CCDC171: variants seen among roughly 807,000 people sequenced by gnomAD.
CCDC171 encodes coiled-coil domain-containing protein 171.
In CCDC171, 177 loss-of-function variants were observed where a neutral mutation model predicts 168.2. The observed-to-expected ratio is 1.05, with a 90% CI of 0.93 to 1.19. The LOEUF (loss-of-function observed/expected upper bound fraction) is 1.19. Ranked by LOEUF, CCDC171 falls within the 50% of genes most tolerant of loss-of-function variation. The pLI, the probability that CCDC171 is intolerant of heterozygous loss-of-function variation, is 0.00. For missense variants in CCDC171, 1,991 were observed against 1,539.0 expected, an observed-to-expected ratio of 1.29 and a Z score of -4.91; for synonymous variants, 687 against 540.8, an observed-to-expected ratio of 1.27 and a Z score of -3.75.
the CCDC171 span, among the ~76,000 whole-genome samples, chr9:16,086,489 G>T: frequency 6.6e-6 from 1 of 151,874 alleles, no homozygotes; most frequent in Non-Finnish European, 1.5e-5. Context: ...TGTATTTTTA[G>T]TAGAGATGGG....
intron 21 of CCDC171, among the ~76,000 whole-genome samples, chr9:15,844,958 A>AG (rs1399644717): frequency 6.6e-6 from 1 of 152,084 alleles, no homozygotes; most frequent in East Asian, 1.9e-4. Context: ...TCTAGTCATA[A>AG]GAGTTATTGA....
rs1424407806 is a variant in CCDC171 at position 15,623,471 on chromosome 9, G to GCACA, written c.822+59_822+60insACAC. 162 of 505,184 alleles carry GCACA rather than the reference G, an allele frequency of 3.2e-4. 1 individual carries two copies. Among genetic ancestry groups the GCACA allele is most frequent in the African/African-American group, 1.8e-3 (43 of 24,346 alleles). 31.3% of individuals were successfully genotyped at this position (505,184 alleles called of 1,614,324 possible). A position where few individuals can be genotyped will look rare whatever the true frequency, so the allele number is the denominator to read the frequency against. ...CGTACAAACTTTCACATATGCGCGC[G>GCACA]CGCGCACACACACACACACACACAC... On this transcript the variant is annotated intron_variant, in intron 7 of 25. Transcript: ENST00000380701.
the CCDC171 span, among the ~76,000 whole-genome samples, chr9:16,072,403 C>A: frequency 6.6e-6 from 1 of 152,190 alleles, no homozygotes; most frequent in African/African-American, 2.4e-5. Flanking sequence ...TACTTGCATT[C>A]CCAACTCTGT....
chr9:15,623,473 G>GCT, intron 7 of CCDC171, 60 bp downstream of exon 7: 1 of 464,172 alleles, frequency 2.2e-6, no homozygotes, highest in Admixed American at 4.1e-5. Flanking sequence ...ATGCGCGCGC[G>GCT]CGCACACACA....
At chr9:16,060,214 C>G (rs751263736) in intron 1 of CCDC171, among the ~76,000 whole-genome samples, 4 of 152,134 alleles carry the variant, frequency 2.6e-5, no homozygotes, top group African/African-American at 2.4e-5. Flanking sequence ...AGATCTTGGA[C>G]TGTTTTGACA....
intron 21 of CCDC171, among the ~76,000 whole-genome samples, chr9:15,786,945 C>G (rs756402993): frequency 6.6e-6 from 1 of 152,112 alleles, no homozygotes; most frequent in Non-Finnish European, 1.5e-5. Context: ...TCCTATCTCC[C>G]TTCACTGATT....
intron 3 of CCDC171, among the ~76,000 whole-genome samples, chr9:16,009,691 C>T (rs1589321758): frequency 6.6e-6 from 1 of 152,052 alleles, no homozygotes; most frequent in Non-Finnish European, 1.5e-5. Context: ...ATGCCTTTAA[C>T]AAGAATGATG....
At chr9:15,673,021 T>C (rs2049237023) in intron 9 of CCDC171, among the ~76,000 whole-genome samples, 1 of 152,208 alleles carries the variant, frequency 6.6e-6, no homozygotes, top group Non-Finnish European at 1.5e-5. Context: ...TGTGTCCTCT[T>C]TTATTTCCTT....
intron 22 of CCDC171, among the ~76,000 whole-genome samples, chr9:15,847,413 A>G (rs963020585): frequency 2.6e-5 from 4 of 152,112 alleles, no homozygotes; most frequent in East Asian, 1.9e-4. Context: ...GTAGACCACT[A>G]TGTAAATGTG....
chr9:15,989,721 A>G (rs967012557), intron 3 of CCDC171, among the ~76,000 whole-genome samples: 1 of 149,324 alleles, frequency 6.7e-6, no homozygotes, highest in East Asian at 1.9e-4. Flanking sequence ...ACCAGTGTAG[A>G]GAAGTCCTTA....
chr9:15,638,768 AAAAC>A (rs902685413), intron 7 of CCDC171, among the ~76,000 whole-genome samples: 7 of 151,968 alleles, frequency 4.6e-5, no homozygotes, highest in Admixed American at 1.3e-4. Context: ...AGATTAAAAA[AAAAC>A]AAACAAACTC....
the CCDC171 span, among the ~76,000 whole-genome samples, chr9:16,105,645 C>T: frequency 6.6e-6 from 1 of 152,134 alleles, no homozygotes; most frequent in Non-Finnish European, 1.5e-5. Context: ...AATAGAAAAC[C>T]ATTCTGTAAA....
intron 6 of CCDC171, among the ~76,000 whole-genome samples, chr9:15,602,559 A>G (rs2042930184): frequency 1.4e-5 from 2 of 144,440 alleles, no homozygotes; most frequent in Admixed American, 1.4e-4. Flanking sequence ...CCTTCTCTGG[A>G]ATATTAACAT....
intron 1 of CCDC171, among the ~76,000 whole-genome samples, chr9:15,561,138 C>G (rs2039269950): frequency 6.6e-6 from 1 of 152,196 alleles, no homozygotes; most frequent in Non-Finnish European, 1.5e-5. Flanking sequence ...GACTGCTTAT[C>G]TTTAAGCCCT....
chr9:15,628,035 A>C (rs961084977), intron 7 of CCDC171, among the ~76,000 whole-genome samples: 1 of 152,072 alleles, frequency 6.6e-6, no homozygotes, highest in Non-Finnish European at 1.5e-5. Context: ...AAAAGGTTTC[A>C]CTGGGGAGGG....
At chr9:15,907,283 C>T (rs921035899) in intron 24 of CCDC171, among the ~76,000 whole-genome samples, 1 of 152,182 alleles carries the variant, frequency 6.6e-6, no homozygotes, top group African/African-American at 2.4e-5. Context: ...GTAACCAAAA[C>T]AGCATGGTAC....
intron 21 of CCDC171, among the ~76,000 whole-genome samples, chr9:15,799,407 A>G (rs963038506): frequency 1.3e-5 from 2 of 151,228 alleles, no homozygotes; most frequent in African/African-American, 2.4e-5. Flanking sequence ...GTTTGTCTCT[A>G]TGTAATGTGT....
rs1485438501 is a variant in CCDC171, at chr9:15,647,856, C to A, written c.823-9271C>A. 3.3e-5 allele frequency among the ~76,000 whole-genome samples: 5 copies of A among 152,106 alleles called. No individual in the cohort carries two copies. In the East Asian group the frequency reaches 5.8e-4, roughly 18 times the overall value. ...GGTACCATTCCTTTTGAAACTATTCCAATCAATAGAAAAAGAAGGAATCCT... is the reference window on the plus strand; with the variant it reads ...GGTACCATTCCTTTTGAAACTATTCAAATCAATAGAAAAAGAAGGAATCCT... On this transcript the variant is annotated intron_variant, in intron 7 of 25. Coordinates refer to ENST00000380701, the MANE Select transcript of CCDC171 (RefSeq NM_173550.4).
chr9:15,925,091 T>G (rs991978015), intron 25 of CCDC171, among the ~76,000 whole-genome samples: 2 of 151,656 alleles, frequency 1.3e-5, no homozygotes, highest in Admixed American at 1.3e-4. Context: ...AGACAATCCT[T>G]GTTCTCATGA....
Sources: gnomAD v4.1 joint callset for allele counts (sites outside exome capture counted in the v4.1 genomes callset) on GRCh38, gnomAD v4.1.1 for gene constraint, MANE v1.5 for transcripts, NCBI Gene and HGNC (gene_info 2026-07-23, HGNC 2026-07-21) for gene names.